Variants in HERC4 observed in about 807,000 individuals in gnomAD.
HERC4 encodes the protein probable E3 ubiquitin-protein ligase HERC4.
HERC4 carries 28 observed loss-of-function variants against 124.3 expected under a neutral mutation model. That is an observed-to-expected ratio of 0.23 (90% CI 0.17 to 0.31). The LOEUF (loss-of-function observed/expected upper bound fraction) is 0.31. Among genes scored for constraint, HERC4 ranks in the 10% least tolerant of loss-of-function variants. The probability of loss-of-function intolerance (pLI) is 1.00; values close to 1 mark genes in which losing one functional copy is unlikely to be tolerated. For missense variants in HERC4, 713 were observed against 1,229.3 expected (o/e 0.58, Z 6.28); for synonymous variants, 407 against 421.5 (o/e 0.97, Z 0.42).
At chr10:67,966,582 G>A in intron 16 of HERC4, 101 bp downstream of exon 16, 1 of 1,125,790 alleles carries the variant, frequency 8.9e-7, no homozygotes, top group Non-Finnish European at 1.3e-6. Flanking sequence ...CTGGATAAAA[G>A]TTCTGAAAAA....
At chr10:67,932,835 C>A (rs1176071695) in intron 22 of HERC4, 55 bp from the exon 23 acceptor site, 2 of 1,446,984 alleles carry the variant, frequency 1.4e-6, no homozygotes, top group Non-Finnish European at 1.9e-6. Context: ...ATGAAGAATC[C>A]ATAATGTAGT....
intron 24 of HERC4, 118 bp downstream of exon 24, chr10:67,924,967 G>A (rs964579558): frequency 1.7e-6 from 1 of 577,072 alleles, no homozygotes; most frequent in Non-Finnish European, 3.1e-6. Context: ...TACATGTACT[G>A]AAGAGTGCAG....
At chr10:67,954,824 A>T (rs2034035500) in intron 18 of HERC4, 86 bp from the exon 19 acceptor site, 1 of 1,253,358 alleles carries the variant, frequency 8.0e-7, no homozygotes, top group East Asian at 2.6e-5. Context: ...ATTTATTACT[A>T]ATACTCTACA....
Position 67,927,406 on chromosome 10 carries a change from ATATATATATATATATATATATATATTTT to A in HERC4, c.2839-2247_2839-2220del, listed in dbSNP as rs1389903248. Among the ~76,000 whole-genome samples the A allele has an allele frequency of 2.4e-3, 22 of 9,334 alleles. 3 individuals are homozygous for A. The highest frequency in any genetic ancestry group is 0.01 in the Admixed American group (9 of 872). 6.1% of individuals were successfully genotyped at this position (9,334 alleles called of 152,430 possible). On this transcript the variant is annotated intron_variant, in intron 23 of 24. Coordinates refer to ENST00000373700, the MANE Select transcript of HERC4 (RefSeq NM_015601.4). Reference sequence around the variant, plus strand: ...TATATATATATATATATATATATATATATATATATATATATATATATATATTTTTTTTTTTTTTTAGATAGAGTCTTGC... The same window carrying A: ...TATATATATATATATATATATATATATTTTTTTTTTTAGATAGAGTCTTGC...
At chr10:67,966,855 A>G (rs2034896182) in intron 15 of HERC4, 53 bp from the exon 16 acceptor site, 1 of 1,417,740 alleles carries the variant, frequency 7.1e-7, no homozygotes, top group Admixed American at 2.7e-5. Context: ...CAAGACAGAC[A>G]AATTTTTTTT....
intron 7 of HERC4, among the ~76,000 whole-genome samples, chr10:68,032,302 T>C (rs546988456): frequency 6.6e-6 from 1 of 152,314 alleles, no homozygotes; most frequent in Non-Finnish European, 1.5e-5. Context: ...TTGATAAGAC[T>C]GTGATCACTG....
chr10:68,034,409 G>C (rs910325777), intron 5 of HERC4, among the ~76,000 whole-genome samples: 2 of 152,062 alleles, frequency 1.3e-5, no homozygotes, highest in African/African-American at 4.8e-5. Context: ...CTTTAAGTTT[G>C]ATTGACTACA....
intron 3 of HERC4, among the ~76,000 whole-genome samples, chr10:68,050,714 T>C (rs1050665246): frequency 2.6e-5 from 4 of 152,190 alleles, no homozygotes; most frequent in Non-Finnish European, 5.9e-5. Context: ...GTGAATAATC[T>C]CAACCATTTT....
At chr10:68,060,657 T>C (rs2040959967) in intron 3 of HERC4, among the ~76,000 whole-genome samples, 1 of 152,182 alleles carries the variant, frequency 6.6e-6, no homozygotes, top group African/African-American at 2.4e-5. Context: ...TTCCCCTTAT[T>C]CTCAGTTGCA....
intron 6 of HERC4, 50 bp downstream of exon 6, chr10:68,033,915 G>A (rs1202620586): frequency 6.9e-7 from 1 of 1,451,588 alleles, no homozygotes; most frequent in Non-Finnish European, 9.6e-7. Context: ...TAACTCAAAA[G>A]ACCATCTCTT....
intron 3 of HERC4, among the ~76,000 whole-genome samples, chr10:68,072,271 C>T (rs2041612124): frequency 6.6e-6 from 1 of 152,120 alleles, no homozygotes; most frequent in African/African-American, 2.4e-5. Context: ...CATTACCCTA[C>T]AAATTATTTA....
chr10:68,002,890 G>A (rs778884957), intron 9 of HERC4, among the ~76,000 whole-genome samples: 10 of 151,800 alleles, frequency 6.6e-5, no homozygotes, highest in South Asian at 2.1e-4. Context: ...CTGAGCCACC[G>A]TGCCTAGCCT....
chr10:68,072,786 TA>T, intron 3 of HERC4, 96 bp downstream of exon 3: 1 of 818,924 alleles, frequency 1.2e-6, no homozygotes, highest in Non-Finnish European at 1.8e-6. Flanking sequence ...TAAAGCTTGA[TA>T]AACATATAGT....
At chr10:68,050,396 AGAGT>A (rs1347511864) in intron 3 of HERC4, among the ~76,000 whole-genome samples, 4 of 152,226 alleles carry the variant, frequency 2.6e-5, no homozygotes, top group Admixed American at 1.3e-4. Context: ...ACAGACGCTT[AGAGT>A]AAGTAGTTAA....
intron 19 of HERC4, among the ~76,000 whole-genome samples, chr10:67,951,928 G>A (rs972122428): frequency 6.6e-6 from 1 of 152,002 alleles, no homozygotes; most frequent in African/African-American, 2.4e-5. Flanking sequence ...AAAAAAAAAT[G>A]CATACAACAC....
chr10:68,018,754 TA>T (rs2038416371), intron 8 of HERC4, among the ~76,000 whole-genome samples: 1 of 152,140 alleles, frequency 6.6e-6, no homozygotes, highest in African/African-American at 2.4e-5. Flanking sequence ...GCATGACCTC[TA>T]TGATGAAAAT....
chr10:67,995,423 T>C (rs2132839809), intron 9 of HERC4: 1 of 192,816 alleles, frequency 5.2e-6, no homozygotes, highest in African/African-American at 2.4e-5. Flanking sequence ...TTATTTACTG[T>C]CCTCTTGCTT....
chr10:68,008,178 A>T (rs1289535779), intron 9 of HERC4, among the ~76,000 whole-genome samples: 2 of 152,090 alleles, frequency 1.3e-5, no homozygotes, highest in Non-Finnish European at 1.5e-5. Context: ...CTGTGCTGAG[A>T]TTCTTAATAG....
intron 3 of HERC4, among the ~76,000 whole-genome samples, chr10:68,050,412 G>A (rs2040239970): frequency 6.6e-6 from 1 of 152,122 alleles, no homozygotes; most frequent in Non-Finnish European, 1.5e-5. Context: ...AGTAGTTAAA[G>A]CAATGTATTA....
Sources: gnomAD v4.1 joint callset for allele counts (sites outside exome capture counted in the v4.1 genomes callset) on GRCh38, gnomAD v4.1.1 for gene constraint, MANE v1.5 for transcripts, NCBI Gene and HGNC (gene_info 2026-07-23, HGNC 2026-07-21) for gene names.